Variants in SLC35F3 observed in about 807,000 individuals in gnomAD.
The protein encoded by SLC35F3 is solute carrier family 35 member F3, also known as putative thiamine transporter SLC35F3.
SLC35F3 carries 25 observed loss-of-function variants against 49.9 expected under a neutral mutation model. That is an observed-to-expected ratio of 0.50 (90% CI 0.37 to 0.70). The LOEUF (loss-of-function observed/expected upper bound fraction) is 0.70. Ranked by LOEUF, SLC35F3 falls within the 30% of genes least tolerant of loss-of-function variation. SLC35F3 has a pLI of 0.00. For synonymous variants in SLC35F3, 275 were observed against 265.4 expected (o/e 1.04, Z -0.35); for missense variants, 525 against 639.8 (o/e 0.82, Z 1.94).
At chr1:234,297,408 GA>G (rs1350456911) in intron 3 of SLC35F3, among the ~76,000 whole-genome samples, 1 of 152,198 alleles carries the variant, frequency 6.6e-6, no homozygotes, top group African/African-American at 2.4e-5. Flanking sequence ...ATTGATGGAT[GA>G]ATGGATAAAG....
At chr1:234,079,286 A>C (rs1017870409) in intron 2 of SLC35F3, among the ~76,000 whole-genome samples, 47 of 152,326 alleles carry the variant, frequency 3.1e-4, no homozygotes, top group African/African-American at 1.1e-3. Context: ...GTGTGAGATT[A>C]GGGGTCTAAC....
chr1:233,975,308 C>T (rs953636478), intron 2 of SLC35F3, among the ~76,000 whole-genome samples: 1 of 152,202 alleles, frequency 6.6e-6, no homozygotes, highest in African/African-American at 2.4e-5. Flanking sequence ...GTCATAGACC[C>T]CTGGTAGTTG....
chr1:234,256,285 A>G (rs760804785), intron 3 of SLC35F3, among the ~76,000 whole-genome samples: 3 of 152,172 alleles, frequency 2.0e-5, no homozygotes, highest in Non-Finnish European at 4.4e-5. Flanking sequence ...GAAATATTCT[A>G]TATCTTGACT....
At chr1:234,040,157 C>T (rs1664199439) in intron 2 of SLC35F3, among the ~76,000 whole-genome samples, 1 of 152,128 alleles carries the variant, frequency 6.6e-6, no homozygotes, top group South Asian at 2.1e-4. Flanking sequence ...AAAGGCAGGT[C>T]ACTCTCCCCT....
At chr1:234,111,452 T>G (rs1017033403) in intron 2 of SLC35F3, among the ~76,000 whole-genome samples, 1 of 152,206 alleles carries the variant, frequency 6.6e-6, no homozygotes, top group Non-Finnish European at 1.5e-5. Context: ...CCACCATGCC[T>G]GGCTAATTTT....
intron 2 of SLC35F3, among the ~76,000 whole-genome samples, chr1:233,975,775 C>T (rs1033727003): frequency 3.9e-5 from 6 of 152,290 alleles, no homozygotes; most frequent in African/African-American, 9.6e-5. Context: ...TCTCAGTACC[C>T]GGAGCACATG....
chr1:234,169,308 C>G (rs1454268966), intron 2 of SLC35F3, among the ~76,000 whole-genome samples: 1 of 152,218 alleles, frequency 6.6e-6, no homozygotes, highest in Non-Finnish European at 1.5e-5. Context: ...CACCAGCTGC[C>G]TGGGCATCCC....
intron 2 of SLC35F3, among the ~76,000 whole-genome samples, chr1:234,076,234 C>T (rs61824594): frequency 0.026 from 3,877 of 148,638 alleles, 65 homozygotes; most frequent in Non-Finnish European, 0.043. Context: ...ACATTTTAAA[C>T]GTATTATCAA....
intron 2 of SLC35F3, among the ~76,000 whole-genome samples, chr1:234,014,469 C>T (rs951174774): frequency 6.6e-6 from 1 of 152,086 alleles, no homozygotes; most frequent in Non-Finnish European, 1.5e-5. Context: ...GGAAGTACTA[C>T]TAGCCAGAGC....
intron 2 of SLC35F3, among the ~76,000 whole-genome samples, chr1:233,976,400 G>C (rs1394965809): frequency 6.6e-6 from 1 of 152,176 alleles, no homozygotes; most frequent in Non-Finnish European, 1.5e-5. Flanking sequence ...GAGCAGAGTA[G>C]AGATCTCCCA....
chr1:234,230,424 A>G (rs1256675170), intron 2 of SLC35F3, among the ~76,000 whole-genome samples: 8 of 152,246 alleles, frequency 5.3e-5, no homozygotes, highest in Non-Finnish European at 1.5e-5. Context: ...ATGGCCTCTT[A>G]GCACTAATGT....
intron 2 of SLC35F3, among the ~76,000 whole-genome samples, chr1:234,187,367 G>T (rs141346955): frequency 6.6e-6 from 1 of 152,336 alleles, no homozygotes; most frequent in East Asian, 1.9e-4. Context: ...AGGTATGAAA[G>T]AGCAGCTCCA....
rs113851143 is a variant in SLC35F3, at chr1:234,161,502, T to G, written c.284-69915T>G. Among the ~76,000 whole-genome samples the G allele has an allele frequency of 7.2e-3, 1,103 of 152,270 alleles. 20 individuals carry two copies. The highest frequency in any genetic ancestry group is 0.025 in the African/African-American group (1,045 of 41,546). On this transcript the variant is annotated intron_variant, in intron 2 of 7. Transcript: ENST00000366618. ...GAGGCCAGGCACAGTGACTCATGCCTGTAATCCCAGCTCTTTGTGAGGCCA... is the reference window on the plus strand; with the variant it reads ...GAGGCCAGGCACAGTGACTCATGCCGGTAATCCCAGCTCTTTGTGAGGCCA...
intron 2 of SLC35F3, among the ~76,000 whole-genome samples, chr1:234,172,176 C>A (rs6703621): frequency 0.16 from 24,270 of 152,200 alleles, 3,915 homozygotes; most frequent in East Asian, 0.88. Flanking sequence ...AAGCTGAAAT[C>A]TCAGGGTGCC....
chr1:234,108,332 T>G (rs1371577789), intron 2 of SLC35F3, among the ~76,000 whole-genome samples: 2 of 123,178 alleles, frequency 1.6e-5, no homozygotes, highest in East Asian at 5.0e-4. Context: ...ATATATTATT[T>G]ATATATATAA....
chr1:234,307,612 G>C (rs1657231686), intron 3 of SLC35F3, among the ~76,000 whole-genome samples: 1 of 152,144 alleles, frequency 6.6e-6, no homozygotes, highest in Non-Finnish European at 1.5e-5. Context: ...ACAGACCAGA[G>C]CTATTCCCCC....
At position 234,231,447 on chromosome 1, in the gene SLC35F3, C is replaced by A. The variant is rs763571677; in HGVS notation, c.314C>A (p.Pro105Gln). ...GAGCGCCCCCGGGACTCCCCGGGCC[C>A]GGCGGAGGCCCAGGCACCGGCCGGG... ...REERPRDSPG[P>Q]AEAQAPAGVE... The change falls in exon 3 of 8, where the codon CCG becomes CAG. Residue 105 changes from proline to glutamine, a missense_variant. Coordinates refer to ENST00000366618, the MANE Select transcript of SLC35F3 (RefSeq NM_173508.4). This position sits in a 1 kb window ranked among gnomAD's most constrained non-coding sequence, Gnocchi z 5.4. 2.5e-6 allele frequency: 4 copies of A among 1,603,446 alleles called. No homozygotes were observed. The South Asian group carries it at 4.5e-5, about 18-fold the overall frequency.
intron 2 of SLC35F3, among the ~76,000 whole-genome samples, chr1:234,194,157 G>A (rs1041704705): frequency 5.3e-5 from 8 of 152,106 alleles, no homozygotes; most frequent in Admixed American, 3.9e-4. Flanking sequence ...ACTTGCATAC[G>A]CAAGCTTATA....
At chr1:234,285,513 G>A (rs1668406363) in intron 3 of SLC35F3, 1 of 370,684 alleles carries the variant, frequency 2.7e-6, no homozygotes, top group Non-Finnish European at 5.2e-6. Context: ...CTATGTCTCT[G>A]TAACAGGAAC....
Sources: gnomAD v4.1 joint callset for allele counts (sites outside exome capture counted in the v4.1 genomes callset) on GRCh38, gnomAD v4.1.1 for gene constraint, Gnocchi (gnomAD v3.1) non-coding constraint, MANE v1.5 for transcripts, NCBI Gene and HGNC (gene_info 2026-07-23, HGNC 2026-07-21) for gene names.